NALF1: variants seen among roughly 807,000 people sequenced by gnomAD.
The protein encoded by NALF1 is family with sequence similarity 155 member A.
NALF1 carries 3 observed loss-of-function variants against 48.4 expected under a neutral mutation model. That is an observed-to-expected ratio of 0.06 (90% CI 0.03 to 0.16). NALF1 has a LOEUF of 0.16. Among genes scored for constraint, NALF1 ranks in the 10% least tolerant of loss-of-function variants. The pLI, the probability that NALF1 is intolerant of heterozygous loss-of-function variation, is 1.00. For synonymous variants in NALF1, 262 were observed against 245.7 expected (o/e 1.07, Z -0.62); for missense variants, 526 against 571.5 (o/e 0.92, Z 0.81).
intron 1 of NALF1, among the ~76,000 whole-genome samples, chr13:107,862,153 CTGTT>C (rs1171433699): frequency 6.6e-6 from 1 of 152,130 alleles, no homozygotes; most frequent in African/African-American, 2.4e-5. Context: ...CACTGACCAA[CTGTT>C]TGAGGGAATA....
At chr13:107,538,077 A>T (rs1326018997) in intron 1 of NALF1, among the ~76,000 whole-genome samples, 1 of 152,118 alleles carries the variant, frequency 6.6e-6, no homozygotes, top group African/African-American at 2.4e-5. Context: ...GAGCAACAGT[A>T]ATCTTAATTA....
At chr13:107,629,157 T>C (rs1879763344) in intron 1 of NALF1, among the ~76,000 whole-genome samples, 1 of 152,168 alleles carries the variant, frequency 6.6e-6, no homozygotes, top group African/African-American at 2.4e-5. Context: ...GAAGGCCAAG[T>C]TGACACTATG....
intron 1 of NALF1, among the ~76,000 whole-genome samples, chr13:107,335,936 T>C (rs940526953): frequency 1.1e-4 from 17 of 152,352 alleles, no homozygotes; most frequent in African/African-American, 3.6e-4. Context: ...AATTTTTTTT[T>C]TCAGTTTTAG....
intron 1 of NALF1, among the ~76,000 whole-genome samples, chr13:107,312,137 G>A (rs1165932318): frequency 1.3e-5 from 2 of 152,140 alleles, no homozygotes; most frequent in Non-Finnish European, 2.9e-5. Flanking sequence ...GTTTATTGCG[G>A]CACTATTCAC....
intron 1 of NALF1, among the ~76,000 whole-genome samples, chr13:107,613,025 G>C (rs1015131938): frequency 6.7e-6 from 1 of 149,998 alleles, no homozygotes. Context: ...GAAAAGAAAA[G>C]AAAGAAATGA....
intron 1 of NALF1, among the ~76,000 whole-genome samples, chr13:107,328,876 C>T (rs1473126048): frequency 6.6e-6 from 1 of 152,166 alleles, no homozygotes; most frequent in African/African-American, 2.4e-5. Flanking sequence ...AACTCCAATG[C>T]AAACCAGAAA....
intron 1 of NALF1, among the ~76,000 whole-genome samples, chr13:107,750,511 GT>G (rs1021850777): frequency 2.0e-5 from 3 of 151,354 alleles, no homozygotes; most frequent in Non-Finnish European, 4.4e-5. Flanking sequence ...CATGCAGTTA[GT>G]TTTTTAAAAG....
chr13:107,636,980 A>G (rs1000851450), intron 1 of NALF1, among the ~76,000 whole-genome samples: 8 of 151,358 alleles, frequency 5.3e-5, no homozygotes, highest in Admixed American at 2.6e-4. Context: ...CCATAAGATT[A>G]TAATGTAGCA....
At chr13:107,446,635 A>C (rs1884655695) in intron 1 of NALF1, among the ~76,000 whole-genome samples, 1 of 152,146 alleles carries the variant, frequency 6.6e-6, no homozygotes, top group Non-Finnish European at 1.5e-5. Flanking sequence ...TGTTTTCTCA[A>C]AATTTAAATA....
intron 1 of NALF1, among the ~76,000 whole-genome samples, chr13:107,610,591 T>C (rs1298860192): frequency 6.6e-6 from 1 of 152,206 alleles, no homozygotes; most frequent in Non-Finnish European, 1.5e-5. Context: ...TGTCAATTTA[T>C]GATAATACCA....
At chr13:107,782,561 A>G (rs1306835631) in intron 1 of NALF1, among the ~76,000 whole-genome samples, 20 of 150,046 alleles carry the variant, frequency 1.3e-4, no homozygotes, top group Admixed American at 1.3e-4. Context: ...CCAGTCTGGA[A>G]AGTGAGGAGC....
At chr13:107,241,977 G>A (rs942923160) in intron 1 of NALF1, among the ~76,000 whole-genome samples, 1 of 152,130 alleles carries the variant, frequency 6.6e-6, no homozygotes, top group Admixed American at 6.5e-5. Context: ...ACACTTGGGA[G>A]GGCCTGCTGA....
At chr13:107,221,607 A>G (rs913199158) in intron 1 of NALF1, among the ~76,000 whole-genome samples, 49 of 152,158 alleles carry the variant, frequency 3.2e-4, no homozygotes, top group African/African-American at 1.1e-3. Context: ...AAAATAAAAA[A>G]GAACTATTTA....
intron 1 of NALF1, among the ~76,000 whole-genome samples, chr13:107,818,836 C>T (rs1369109966): frequency 2.4e-5 from 3 of 126,744 alleles, no homozygotes; most frequent in Admixed American, 8.3e-5. Context: ...CGCGCCACTG[C>T]ACTCCAGCCT....
chr13:107,740,049 A>G (rs1876587886), intron 1 of NALF1, among the ~76,000 whole-genome samples: 1 of 152,196 alleles, frequency 6.6e-6, no homozygotes, highest in Non-Finnish European at 1.5e-5. Context: ...AAAGTGCACA[A>G]TAAGTGTAAT....
intron 1 of NALF1, among the ~76,000 whole-genome samples, chr13:107,746,600 A>C (rs1876787259): frequency 6.6e-6 from 1 of 152,210 alleles, no homozygotes. Flanking sequence ...TTTACTATCA[A>C]GAAACATCTG....
At chr13:107,452,462 A>C (rs1428224073) in intron 1 of NALF1, among the ~76,000 whole-genome samples, 1 of 152,164 alleles carries the variant, frequency 6.6e-6, no homozygotes, top group Non-Finnish European at 1.5e-5. Context: ...ATCACCTTAT[A>C]AAACCATCAG....
chr13:107,452,203 C>T (rs1193267336), intron 1 of NALF1, among the ~76,000 whole-genome samples: 1 of 152,116 alleles, frequency 6.6e-6, no homozygotes, highest in Non-Finnish European at 1.5e-5. Flanking sequence ...CCATATCTTA[C>T]TCTAAAATGT....
chr13:107,523,952 T>C (rs1167882793), intron 1 of NALF1, among the ~76,000 whole-genome samples: 9 of 152,194 alleles, frequency 5.9e-5, no homozygotes, highest in Non-Finnish European at 1.0e-4. Context: ...ACAATGGCTA[T>C]ATAAAATTTC....
Sources: allele counts gnomAD v4.1 joint callset (sites outside exome capture counted in the v4.1 genomes callset), GRCh38; gene constraint gnomAD v4.1.1; transcripts MANE v1.5; gene names NCBI Gene and HGNC (gene_info 2026-07-23, HGNC 2026-07-21).